The following RANBP2 variants were observed in gnomAD, a reference collection of about 807,000 sequenced individuals.
RANBP2 encodes E3 SUMO-protein ligase RanBP2.
RANBP2 carries 57 observed loss-of-function variants against 303.6 expected under a neutral mutation model. The ratio of observed to expected loss-of-function variants is 0.19; its 90% CI spans 0.15 to 0.23. The LOEUF (loss-of-function observed/expected upper bound fraction) is 0.23. RANBP2 is among the 10% of genes least tolerant of loss of function. RANBP2 has a pLI of 1.00. For missense variants in RANBP2, 3,138 were observed against 3,780.8 expected (o/e 0.83, Z 4.46); for synonymous variants, 1,167 against 1,301.5 (o/e 0.90, Z 2.23).
the RANBP2 span, among the ~76,000 whole-genome samples, chr2:109,348,720 G>C: frequency 6.6e-6 from 1 of 152,094 alleles, no homozygotes; most frequent in South Asian, 2.1e-4. Flanking sequence ...TATCCAGGCT[G>C]CTTGCTGGGT....
the RANBP2 span, among the ~76,000 whole-genome samples, chr2:109,205,012 G>A: frequency 2.6e-5 from 4 of 152,136 alleles, no homozygotes; most frequent in Non-Finnish European, 5.9e-5. Context: ...GGTTGAGACC[G>A]GCCTGGTCAA....
the RANBP2 span, among the ~76,000 whole-genome samples, chr2:109,269,071 C>T: frequency 1.3e-5 from 2 of 152,184 alleles, no homozygotes; most frequent in Admixed American, 1.3e-4. Context: ...CCGCACTGTG[C>T]TCTGTCCATG....
rs1403614412 is a variant in RANBP2, at chr2:108,765,884, A to G, written c.5345A>G (p.Lys1782Arg). 6.2e-7 allele frequency: 1 copy of G among 1,614,050 alleles called. No individual in the cohort carries two copies. Among genetic ancestry groups the G allele is most frequent in the Non-Finnish European group, 8.5e-7 (1 of 1,179,996 alleles). ...GGATTTGAAGGAATGTTCATCAGGA[A>G]AGGACAGTGGGATTGTAGTGTTTGC... The part of the protein sequence containing the change: ...KSGFEGMFIR[K>R]GQWDCSVCCV... The change falls in exon 20 of 29, where the codon AAA becomes AGA. Residue 1782 changes from lysine (K) to arginine (R), a missense_variant. Lys to Arg is a conservative substitution (Grantham distance 26). Coordinates refer to ENST00000283195, the MANE Select transcript of RANBP2 (RefSeq NM_006267.5).
the RANBP2 span, among the ~76,000 whole-genome samples, chr2:109,145,761 G>T: frequency 6.6e-6 from 1 of 152,224 alleles, no homozygotes; most frequent in Non-Finnish European, 1.5e-5. Context: ...GAAAGGGCGG[G>T]AACCCAGGAG....
chr2:109,597,854 C>T, the RANBP2 span, among the ~76,000 whole-genome samples: 1 of 152,180 alleles, frequency 6.6e-6, no homozygotes, highest in Non-Finnish European at 1.5e-5. Context: ...GACAGACACA[C>T]AATTCATCCT....
At chr2:109,090,102 G>A in the RANBP2 span, among the ~76,000 whole-genome samples, 12 of 152,164 alleles carry the variant, frequency 7.9e-5, no homozygotes, top group Admixed American at 2.6e-4. Flanking sequence ...CCCAGAAAGC[G>A]ACAACAGAGA....
the RANBP2 span, chr2:109,490,706 G>A: frequency 6.5e-7 from 1 of 1,533,488 alleles, no homozygotes; most frequent in Non-Finnish European, 8.7e-7. Context: ...ACCCCCAGGT[G>A]GCCGTGGACG....
chr2:109,490,070 T>C, the RANBP2 span, among the ~76,000 whole-genome samples: 1 of 152,184 alleles, frequency 6.6e-6, no homozygotes, highest in East Asian at 1.9e-4. Flanking sequence ...TTTGTTTTCC[T>C]CCTCTGAGCC....
chr2:109,199,014 A>ACG, the RANBP2 span, among the ~76,000 whole-genome samples: 1 of 152,018 alleles, frequency 6.6e-6, no homozygotes, highest in African/African-American at 2.4e-5. Flanking sequence ...CTGTATTTAC[A>ACG]TGGTGGCCTT....
chr2:108,751,398 A>G lies in RANBP2; in HGVS notation c.1408A>G (p.Arg470Gly), dbSNP rs1281489432. The G allele has an allele frequency of 2.5e-6, 4 of 1,612,044 alleles. No individual in the cohort carries two copies. The highest frequency in any genetic ancestry group is 2.2e-5 in the South Asian group (2 of 90,988). Residue 470 changes from arginine (R) to glycine (G), a missense_variant, in exon 10 of 29, where the codon AGG (arginine) becomes GGG (glycine). Arg to Gly is a moderately radical substitution (Grantham distance 125). Coordinates refer to ENST00000283195, the MANE Select transcript of RANBP2 (RefSeq NM_006267.5). The part of the protein sequence containing the change: ...LFHHLPHETS[R>G]LETNAPESIC... ...CCATCATTTGCCCCATGAAACCTCA[A>G]GGCTTGAAACAAATGCACCTGAATC...
chr2:109,259,732 C>A, the RANBP2 span, among the ~76,000 whole-genome samples: 4 of 152,224 alleles, frequency 2.6e-5, no homozygotes, highest in African/African-American at 9.6e-5. Flanking sequence ...CTTTTCACTT[C>A]TTTTTCTTCA....
At chr2:109,125,321 C>G in the RANBP2 span, among the ~76,000 whole-genome samples, 1 of 152,186 alleles carries the variant, frequency 6.6e-6, no homozygotes, top group Non-Finnish European at 1.5e-5. Flanking sequence ...TTAGAATTAT[C>G]TGACTATCAC....
At chr2:109,307,974 T>C in the RANBP2 span, among the ~76,000 whole-genome samples, 1 of 139,554 alleles carries the variant, frequency 7.2e-6, no homozygotes, top group East Asian at 2.1e-4. Flanking sequence ...GTATTTCTAG[T>C]TCTAGATCCC....
the RANBP2 span, among the ~76,000 whole-genome samples, chr2:109,040,877 A>G: frequency 6.6e-6 from 1 of 152,092 alleles, no homozygotes; most frequent in Non-Finnish European, 1.5e-5. Context: ...AACACAGTGA[A>G]ACCCCGTATC....
the RANBP2 span, among the ~76,000 whole-genome samples, chr2:109,378,780 T>C: frequency 3.3e-5 from 5 of 152,330 alleles, no homozygotes; most frequent in Non-Finnish European, 4.4e-5. Context: ...ACTCTGGAAG[T>C]TGGAAATGAA....
At chr2:108,914,226 C>T in the RANBP2 span, among the ~76,000 whole-genome samples, 3 of 151,876 alleles carry the variant, frequency 2.0e-5, no homozygotes, top group African/African-American at 7.3e-5. Flanking sequence ...CACCACTGCA[C>T]TCTAGCCTGG....
At chr2:108,929,189 T>G in the RANBP2 span, 2 of 1,613,736 alleles carry the variant, frequency 1.2e-6, no homozygotes, top group East Asian at 4.5e-5. Flanking sequence ...CAGGAGGGCC[T>G]GTGCTTACCC....
the RANBP2 span, chr2:109,129,959 T>A: frequency 7.0e-7 from 1 of 1,429,530 alleles, no homozygotes; most frequent in Admixed American, 2.8e-5. Context: ...GCGCGTCCCA[T>A]CCCAGGCCAG....
chr2:109,177,743 C>A, the RANBP2 span, among the ~76,000 whole-genome samples: 13 of 152,270 alleles, frequency 8.5e-5, no homozygotes, highest in Admixed American at 7.8e-4. Flanking sequence ...ATGCTAAGAA[C>A]CCCCTTCAAC....
Sources: allele counts gnomAD v4.1 joint callset (sites outside exome capture counted in the v4.1 genomes callset), GRCh38; gene constraint gnomAD v4.1.1; transcripts MANE v1.5; gene names NCBI Gene and HGNC (gene_info 2026-07-23, HGNC 2026-07-21).